Variants in EYA1 observed in about 807,000 individuals in gnomAD.
EYA1 encodes the protein protein phosphatase EYA1.
EYA1 carries 16 observed loss-of-function variants against 82.0 expected under a neutral mutation model. That is an observed-to-expected ratio of 0.20 (90% CI 0.13 to 0.30). The LOEUF (loss-of-function observed/expected upper bound fraction) is 0.30, where lower values mean the gene tolerates loss of function less well. EYA1 is among the 10% of genes least tolerant of loss of function. The probability of loss-of-function intolerance (pLI) is 1.00; values close to 1 mark genes in which losing one functional copy is unlikely to be tolerated. For missense variants in EYA1, 633 were observed against 730.7 expected, an observed-to-expected ratio of 0.87 and a Z score of 1.54; for synonymous variants, 261 against 264.4, an observed-to-expected ratio of 0.99 and a Z score of 0.12.
intron 2 of EYA1, among the ~76,000 whole-genome samples, chr8:71,418,724 CT>C (rs1456473327): frequency 2.0e-5 from 3 of 152,140 alleles, no homozygotes; most frequent in Non-Finnish European, 4.4e-5. Context: ...TGGGGATCTT[CT>C]GGCAGGAGAG....
chr8:71,470,823 G>C (rs558383890), intron 2 of EYA1: 2 of 449,992 alleles, frequency 4.4e-6, no homozygotes, highest in Non-Finnish European at 8.9e-6. Flanking sequence ...AAACAGAACC[G>C]TAGTACTACA....
At chr8:71,279,114 G>T (rs1817529784) in intron 9 of EYA1, among the ~76,000 whole-genome samples, 1 of 152,190 alleles carries the variant, frequency 6.6e-6, no homozygotes. Flanking sequence ...AAAGTGCAGA[G>T]CTTTTCATGA....
chr8:71,415,715 C>T (rs1830818626), intron 2 of EYA1, among the ~76,000 whole-genome samples: 1 of 151,772 alleles, frequency 6.6e-6, no homozygotes, highest in African/African-American at 2.4e-5. Context: ...ACTCTATAGA[C>T]ACGACTTGGC....
chr8:71,478,110 G>T (rs2129208517), intron 2 of EYA1, among the ~76,000 whole-genome samples: 1 of 152,278 alleles, frequency 6.6e-6, no homozygotes, highest in East Asian at 1.9e-4. Context: ...TGCATACATT[G>T]TGAATATACT....
chr8:71,334,212 T>C lies in EYA1; in HGVS notation c.125-38A>G, dbSNP rs1165160098. On this transcript the variant is annotated intron_variant, in intron 3 of 17. Transcript: ENST00000340726. ...ACAACATACATCGATATTGAATTAA[T>C]AGTTATTTGTAAAGACATGGAAGAG... The C allele has an allele frequency of 4.3e-6, 6 of 1,388,726 alleles. No homozygotes were observed. In the African/African-American group the frequency reaches 5.7e-5, roughly 13 times the overall value. The allele number at this position is 1,388,726 out of a possible 1,614,324, so 86.0% of individuals were successfully genotyped here. A position where few individuals can be genotyped will look rare whatever the true frequency, so the allele number is the denominator to read the frequency against.
chr8:71,541,953 A>C (rs966458471), intron 1 of EYA1, among the ~76,000 whole-genome samples: 5 of 152,220 alleles, frequency 3.3e-5, no homozygotes, highest in African/African-American at 1.2e-4. Context: ...AACTGGCAGC[A>C]AACAAAACTG....
intron 11 of EYA1, among the ~76,000 whole-genome samples, chr8:71,251,075 C>CTATTAA: frequency 6.6e-6 from 1 of 152,262 alleles, no homozygotes; most frequent in East Asian, 1.9e-4. Flanking sequence ...AGAGCCCATT[C>CTATTAA]TTAGAATAGC....
chr8:71,258,004 TACAG>T (rs1170798029), intron 11 of EYA1, among the ~76,000 whole-genome samples: 1 of 152,150 alleles, frequency 6.6e-6, no homozygotes, highest in Non-Finnish European at 1.5e-5. Flanking sequence ...TCATGAATAA[TACAG>T]AGAGACTTGT....
At chr8:71,512,600 G>A (rs1413154757) in intron 2 of EYA1, among the ~76,000 whole-genome samples, 1 of 151,056 alleles carries the variant, frequency 6.6e-6, no homozygotes, top group African/African-American at 2.4e-5. Context: ...CAAAACAAAT[G>A]GAAAAAAATT....
chr8:71,448,011 T>TC (rs1249792366), intron 2 of EYA1, among the ~76,000 whole-genome samples: 1 of 133,866 alleles, frequency 7.5e-6, no homozygotes, highest in East Asian at 2.5e-4. Flanking sequence ...TTTAAGAGCT[T>TC]TTTTTTTTTT....
intron 7 of EYA1, among the ~76,000 whole-genome samples, chr8:71,311,314 GCAAT>G (rs1254943484): frequency 6.6e-6 from 1 of 152,326 alleles, no homozygotes; most frequent in Non-Finnish European, 1.5e-5. Context: ...TTCTGTGAAA[GCAAT>G]CAGAGGCCGA....
chr8:71,380,207 A>G (rs1175195846), intron 2 of EYA1, among the ~76,000 whole-genome samples: 2 of 152,200 alleles, frequency 1.3e-5, no homozygotes, highest in South Asian at 2.1e-4. Flanking sequence ...TGTGATCTAT[A>G]ACATTTATGT....
At chr8:71,455,219 C>T (rs531730629) in intron 2 of EYA1, among the ~76,000 whole-genome samples, 6 of 152,092 alleles carry the variant, frequency 3.9e-5, no homozygotes, top group African/African-American at 7.2e-5. Context: ...GAAGTTGAAT[C>T]GCTGAATAGA....
At chr8:71,476,837 C>T (rs1316499410) in intron 2 of EYA1, among the ~76,000 whole-genome samples, 5 of 151,922 alleles carry the variant, frequency 3.3e-5, no homozygotes, top group Non-Finnish European at 7.4e-5. Flanking sequence ...ATTACAAAGC[C>T]ACAGTAATAC....
intron 7 of EYA1, among the ~76,000 whole-genome samples, chr8:71,313,617 G>A (rs1821595401): frequency 6.6e-6 from 1 of 152,130 alleles, no homozygotes; most frequent in Non-Finnish European, 1.5e-5. Flanking sequence ...ACAGTATTGT[G>A]GGAGTAGATC....
intron 2 of EYA1, among the ~76,000 whole-genome samples, chr8:71,532,961 C>G (rs902156113): frequency 6.6e-6 from 1 of 152,198 alleles, no homozygotes; most frequent in Admixed American, 6.5e-5. Context: ...GAATAACCTA[C>G]GGACATGTGC....
chr8:71,224,403 A>G (rs1810316503), intron 12 of EYA1, among the ~76,000 whole-genome samples: 1 of 152,246 alleles, frequency 6.6e-6, no homozygotes, highest in Admixed American at 6.5e-5. Flanking sequence ...CAATGTGCCT[A>G]TTGAGACCAG....
intron 2 of EYA1, among the ~76,000 whole-genome samples, chr8:71,433,564 A>G (rs1444169590): frequency 6.6e-6 from 1 of 152,228 alleles, no homozygotes; most frequent in Non-Finnish European, 1.5e-5. Context: ...TTATCAAGGA[A>G]GTACTAAGTT....
intron 11 of EYA1, among the ~76,000 whole-genome samples, chr8:71,248,493 T>C (rs1312231215): frequency 6.6e-6 from 1 of 152,352 alleles, no homozygotes; most frequent in East Asian, 1.9e-4. Context: ...CACAGCCCTG[T>C]CTCAATCTAC....
Sources: gnomAD v4.1 joint callset for allele counts (sites outside exome capture counted in the v4.1 genomes callset) on GRCh38, gnomAD v4.1.1 for gene constraint, MANE v1.5 for transcripts, NCBI Gene and HGNC (gene_info 2026-07-23, HGNC 2026-07-21) for gene names.